Variants in ABLIM3 observed in about 807,000 individuals in gnomAD.
ABLIM3 encodes actin binding LIM protein family member 3.
Under a neutral mutation model 109.5 loss-of-function variants are expected in ABLIM3, and 61 were observed. That is an observed-to-expected ratio of 0.56 (90% CI 0.45 to 0.69). ABLIM3 has a LOEUF of 0.69. Ranked by LOEUF, ABLIM3 falls within the 30% of genes least tolerant of loss-of-function variation. The probability of loss-of-function intolerance (pLI) is 0.00; values close to 1 mark genes in which losing one functional copy is unlikely to be tolerated. For synonymous variants in ABLIM3, 300 were observed against 324.8 expected (o/e 0.92, Z 0.82); for missense variants, 796 against 889.5 (o/e 0.89, Z 1.34).
At chr5:149,166,805 TACTCA>T (rs1390800511) in intron 2 of ABLIM3, among the ~76,000 whole-genome samples, 1 of 152,252 alleles carries the variant, frequency 6.6e-6, no homozygotes, top group East Asian at 1.9e-4. Flanking sequence ...CTGTTGCAAC[TACTCA>T]ACTCCACTAT....
chr5:149,249,840 C>G lies in ABLIM3; in HGVS notation c.1725C>G (p.Asp575Glu), dbSNP rs780429246. ...CCCCTCGGTCGCACTACCTGGCTGA[C>G]AGTGGTAAGTTCTACCTGCCCTACC... ...NGSPRSHYLA[D>E]SDPLISKSAS... The change falls in exon 19 of 24, where the codon GAC becomes GAG. Residue 575 changes from aspartate (D) to glutamate (E), a missense_variant. Asp to Glu is a conservative substitution (Grantham distance 45). Coordinates refer to ENST00000309868, the MANE Select transcript of ABLIM3 (RefSeq NM_014945.5). 3 of 1,614,200 alleles carry G rather than the reference C, an allele frequency of 1.9e-6. No individual in the cohort carries two copies. In the South Asian group the frequency reaches 3.3e-5, roughly 18 times the overall value.
chr5:149,259,365 C>T lies in ABLIM3; in HGVS notation c.*961C>T, dbSNP rs931469028. On this transcript the variant is annotated 3_prime_UTR_variant, in exon 24 of 24. Transcript: ENST00000309868. ...CTCAACACACCGCAGGGCTAATGTT[C>T]CCACCAGAGCTCCAACTGAACAACC... The T allele has an allele frequency of 6.9e-7, 1 of 1,457,598 alleles. No individual in the cohort carries two copies. The highest frequency in any genetic ancestry group is 9.0e-7 in the Non-Finnish European group (1 of 1,108,574). The allele number at this position is 1,457,598 out of a possible 1,614,324, so 90.3% of individuals were successfully genotyped here. A position where few individuals can be genotyped will look rare whatever the true frequency, so the allele number is the denominator to read the frequency against.
At chr5:149,237,418 T>G in intron 10 of ABLIM3, 30 bp from the exon 11 acceptor site, 1 of 1,610,538 alleles carries the variant, frequency 6.2e-7, no homozygotes, top group Non-Finnish European at 8.5e-7. Flanking sequence ...ATCTTTCTAT[T>G]CCTTTCCTGT....
intron 2 of ABLIM3, among the ~76,000 whole-genome samples, chr5:149,148,077 A>T (rs1753091315): frequency 6.6e-6 from 1 of 152,170 alleles, no homozygotes; most frequent in South Asian, 2.1e-4. Flanking sequence ...TAAGGATTAA[A>T]TGGGATTATG....
At chr5:149,195,475 CT>C (rs923153314) in intron 3 of ABLIM3, among the ~76,000 whole-genome samples, 7 of 152,208 alleles carry the variant, frequency 4.6e-5, no homozygotes, top group Non-Finnish European at 1.0e-4. Context: ...GCTTATCAAC[CT>C]TTACATCCTT....
In ABLIM3 at chr5:149,231,000, C is replaced by T. The variant is rs935603789; in HGVS notation, c.816+293C>T. Among the ~76,000 whole-genome samples, 16 of 152,272 alleles carry T rather than the reference C, an allele frequency of 1.1e-4. No individual in the cohort carries two copies. In the South Asian group the frequency reaches 1.2e-3, roughly 12 times the overall value. On this transcript the variant is annotated intron_variant, in intron 9 of 23. Coordinates refer to ENST00000309868, the MANE Select transcript of ABLIM3 (RefSeq NM_014945.5). ...CCATTGCTGACCAAGATGGCAGCCT[C>T]GCTGAGAAGCTCTCGCCATGGTTTT... is the stretch of plus-strand genomic sequence containing the variant.
chr5:149,214,655 C>T (rs1335544165), intron 7 of ABLIM3, among the ~76,000 whole-genome samples: 1 of 152,186 alleles, frequency 6.6e-6, no homozygotes, highest in Non-Finnish European at 1.5e-5. Flanking sequence ...GTCGCCCAAG[C>T]ACATCGTCTG....
chr5:149,177,302 T>C (rs1023722360), intron 2 of ABLIM3, among the ~76,000 whole-genome samples: 2 of 152,204 alleles, frequency 1.3e-5, no homozygotes, highest in Non-Finnish European at 2.9e-5. Flanking sequence ...ACCTGCATGG[T>C]CCTTGGAGTT....
chr5:149,230,591 G>A, intron 8 of ABLIM3, 58 bp from the exon 9 acceptor site: 2 of 1,569,932 alleles, frequency 1.3e-6, no homozygotes, highest in South Asian at 1.1e-5. Context: ...GTGGGACATG[G>A]GGAGAGTGCT....
chr5:149,149,307 C>A (rs13176629), intron 2 of ABLIM3, among the ~76,000 whole-genome samples: 1 of 152,052 alleles, frequency 6.6e-6, no homozygotes, highest in Non-Finnish European at 1.5e-5. Context: ...AAGGATTCAG[C>A]GAAATAACAT....
At chr5:149,219,256 T>G (rs998737573) in intron 8 of ABLIM3, 2 of 152,196 alleles carry the variant, frequency 1.3e-5, no homozygotes, top group Non-Finnish European at 2.9e-5. Context: ...GTCTCAGATA[T>G]TGCCACATGT....
At chr5:149,210,297 C>G (rs760905828) in intron 6 of ABLIM3, among the ~76,000 whole-genome samples, 10 of 152,114 alleles carry the variant, frequency 6.6e-5, no homozygotes, top group Non-Finnish European at 1.5e-4. Context: ...TGGCCTGGGA[C>G]AAGTTACTAA....
intron 13 of ABLIM3, 49 bp downstream of exon 13, chr5:149,239,937 T>C (rs765417694): frequency 1.3e-6 from 2 of 1,560,210 alleles, no homozygotes; most frequent in Admixed American, 1.9e-5. Flanking sequence ...AGGGAGACAA[T>C]GCAGTCACTT....
chr5:149,159,805 A>C (rs957773200), intron 2 of ABLIM3, among the ~76,000 whole-genome samples: 1 of 152,170 alleles, frequency 6.6e-6, no homozygotes, highest in African/African-American at 2.4e-5. Context: ...ATTTTGTGCA[A>C]GCATCTCCCT....
At chr5:149,194,284 A>C (rs1056219852) in intron 3 of ABLIM3, among the ~76,000 whole-genome samples, 2 of 152,256 alleles carry the variant, frequency 1.3e-5, no homozygotes, top group African/African-American at 4.8e-5. Context: ...AAAAATTCTC[A>C]ATTTGATTAA....
rs572508243 is a variant in ABLIM3, at chr5:149,258,567, G to C, written c.*163G>C. 11 of 1,384,296 alleles carry C rather than the reference G, an allele frequency of 7.9e-6. No individual in the cohort carries two copies. In the Admixed American group the frequency reaches 3.2e-4, roughly 40 times the overall value. 85.8% of individuals were successfully genotyped at this position (1,384,296 alleles called of 1,614,324 possible). A position where few individuals can be genotyped will look rare whatever the true frequency, so the allele number is the denominator to read the frequency against. On this transcript the variant is annotated 3_prime_UTR_variant, in exon 24 of 24. Coordinates refer to ENST00000309868, the MANE Select transcript of ABLIM3 (RefSeq NM_014945.5). ...GCCCACGTCATCGAGATATTTTTATGCTCCTTACTTTCTCTTTTCTAAGTG... is the reference window on the plus strand; with the variant it reads ...GCCCACGTCATCGAGATATTTTTATCCTCCTTACTTTCTCTTTTCTAAGTG...
chr5:149,181,925 T>C (rs1756504808), intron 2 of ABLIM3, among the ~76,000 whole-genome samples: 1 of 152,196 alleles, frequency 6.6e-6, no homozygotes, highest in African/African-American at 2.4e-5. Context: ...TGATGCATCC[T>C]GCACACCATC....
chr5:149,247,442 T>G (rs751848580), intron 17 of ABLIM3, among the ~76,000 whole-genome samples: 1 of 152,172 alleles, frequency 6.6e-6, no homozygotes, highest in East Asian at 1.9e-4. Flanking sequence ...ATGGTTAATT[T>G]GAAGTTAAGT....
intron 6 of ABLIM3, among the ~76,000 whole-genome samples, chr5:149,209,086 G>A (rs780163881): frequency 3.3e-5 from 5 of 152,190 alleles, no homozygotes; most frequent in Non-Finnish European, 7.3e-5. Flanking sequence ...ACATCACCGA[G>A]AGCTCTCGAT....
Sources: allele counts gnomAD v4.1 joint callset (sites outside exome capture counted in the v4.1 genomes callset), GRCh38; gene constraint gnomAD v4.1.1; transcripts MANE v1.5; gene names NCBI Gene and HGNC (gene_info 2026-07-23, HGNC 2026-07-21).